The following KLHL22 variants were observed in gnomAD, a reference collection of about 807,000 sequenced individuals.
KLHL22 encodes kelch like family member 22.
Under a neutral mutation model 60.7 loss-of-function variants are expected in KLHL22, and 18 were observed. That is an observed-to-expected ratio of 0.30 (90% confidence interval 0.20 to 0.44). The LOEUF is 0.44. KLHL22 is among the 20% of genes least tolerant of loss of function. The probability of loss-of-function intolerance (pLI) is 1.00; values close to 1 mark genes in which losing one functional copy is unlikely to be tolerated. For synonymous variants in KLHL22, 355 were observed against 354.5 expected (o/e 1.00, Z -0.01); for missense variants, 596 against 852.3 (o/e 0.70, Z 3.74).
chr22:20,453,640 C>T (rs951892229), intron 5 of KLHL22, among the ~76,000 whole-genome samples: 2 of 152,086 alleles, frequency 1.3e-5, no homozygotes, highest in African/African-American at 4.8e-5. Context: ...GTTCCTTTGC[C>T]TTTATATATA....
rs1469613835 is a variant in KLHL22 at position 20,465,564 on chromosome 22, T to C, written c.406A>G (p.Ile136Val). The C allele has an allele frequency of 6.6e-6, 10 of 1,505,112 alleles. No individual in the cohort carries two copies. The highest frequency in any genetic ancestry group is 2.8e-5 in the African/African-American group (2 of 72,714). 93.2% of individuals were successfully genotyped at this position (1,505,112 alleles called of 1,614,324 possible). ...ATGAGGAAATCACAGCAGAAATGGA[T>C]AATTTCTGGGATCTGCAGAGAGAAT... ...AACQLQIPEIIHFCCDFLMSW... is the reference protein window; with the variant it reads ...AACQLQIPEIVHFCCDFLMSW... Residue 136 changes from isoleucine to valine, a missense_variant, in exon 4 of 7, where the codon ATC becomes GTC. Transcript: ENST00000328879. The surrounding 1 kb of genome is among the most constrained non-coding windows in gnomAD (Gnocchi z 4.9).
rs143379976 is a variant in KLHL22, at chr22:20,462,557, G to A, written c.1112+2301C>T. On this transcript the variant is annotated intron_variant, in intron 4 of 6. Transcript: ENST00000328879. ...TTTTTTTTGGTAGAGACGAGGTCTC[G>A]CTTTGTTGCCCAGGCTGATCTTGAA... Among the ~76,000 whole-genome samples the A allele has an allele frequency of 9.8e-4, 145 of 148,138 alleles. 1 individual carries two copies. Among genetic ancestry groups the A allele is most frequent in the African/African-American group, 3.3e-3 (132 of 39,752 alleles).
At chr22:20,488,284 T>C (rs1423738345) in intron 2 of KLHL22, among the ~76,000 whole-genome samples, 1 of 152,206 alleles carries the variant, frequency 6.6e-6, no homozygotes, top group Non-Finnish European at 1.5e-5. Context: ...CCCTCAGTCC[T>C]TCTCAGGCTC....
chr22:20,444,412 T>C (rs1324680649), intron 6 of KLHL22, among the ~76,000 whole-genome samples: 3 of 152,160 alleles, frequency 2.0e-5, no homozygotes, highest in African/African-American at 7.2e-5. Context: ...GATAGGTTAC[T>C]GAAGCAATAG....
chr22:20,467,633 G>A (rs1033197853), intron 3 of KLHL22, among the ~76,000 whole-genome samples: 1 of 152,166 alleles, frequency 6.6e-6, no homozygotes, highest in African/African-American at 2.4e-5. Flanking sequence ...ATTACACATG[G>A]AATAATTCTG....
chr22:20,454,526 G>A (rs1332698995), intron 5 of KLHL22, among the ~76,000 whole-genome samples: 1 of 152,086 alleles, frequency 6.6e-6, no homozygotes, highest in Non-Finnish European at 1.5e-5. Context: ...TCTTTGTAAA[G>A]CTATCACACT....
chr22:20,443,379 G>C (rs1012706290), intron 6 of KLHL22, among the ~76,000 whole-genome samples: 2 of 151,688 alleles, frequency 1.3e-5, no homozygotes, highest in Admixed American at 1.3e-4. Flanking sequence ...TAAGGGTGCA[G>C]ACCCTGAGAT....
chr22:20,469,249 G>A (rs1027484122), intron 3 of KLHL22, among the ~76,000 whole-genome samples: 3 of 152,194 alleles, frequency 2.0e-5, no homozygotes, highest in African/African-American at 4.8e-5. Context: ...AAGCAATACC[G>A]AGAAGGATGA....
In KLHL22 at chr22:20,465,383, A is replaced by T. The variant is rs2053218567; in HGVS notation, c.587T>A (p.Val196Asp). 6.2e-7 allele frequency: 1 copy of T among 1,614,106 alleles called. No individual in the cohort carries two copies. The highest frequency in any genetic ancestry group is 8.5e-7 in the Non-Finnish European group (1 of 1,179,986). Residue 196 changes from valine (V) to aspartate (D), a missense_variant, in exon 4 of 7, where the codon GTC (valine) becomes GAC (aspartate). Coordinates refer to ENST00000328879, the MANE Select transcript of KLHL22 (RefSeq NM_032775.4). This position sits in a 1 kb window ranked among gnomAD's most constrained non-coding sequence, Gnocchi z 4.9. ...DKYRQLPLEKVYSLLSSNRLE... is the reference protein window; with the variant it reads ...DKYRQLPLEKDYSLLSSNRLE... The stretch of plus-strand genomic sequence containing the variant: ...GCGATTGCTGCTGAGGAGGGAGTAG[A>T]CCTTCTCCAATGGAAGCTGGCGGTA...
intron 2 of KLHL22, among the ~76,000 whole-genome samples, chr22:20,479,825 A>G (rs1483933629): frequency 6.6e-6 from 1 of 152,240 alleles, no homozygotes; most frequent in African/African-American, 2.4e-5. Context: ...AAAATTGTCA[A>G]TAGAATGATC....
chr22:20,469,368 G>A (rs541029896), intron 3 of KLHL22, among the ~76,000 whole-genome samples: 4 of 152,174 alleles, frequency 2.6e-5, no homozygotes, highest in Admixed American at 2.0e-4. Context: ...CAGAGCAGGG[G>A]GACTGACAGG....
At chr22:20,474,865 T>C (rs2053384316) in intron 2 of KLHL22, among the ~76,000 whole-genome samples, 1 of 152,244 alleles carries the variant, frequency 6.6e-6, no homozygotes, top group Non-Finnish European at 1.5e-5. Flanking sequence ...ACATTTATAC[T>C]TTGATAGTAT....
rs1229522617 is a variant in KLHL22 at position 20,495,429 on chromosome 22, G to C, written c.-34+331C>G. 1.3e-5 allele frequency among the ~76,000 whole-genome samples: 2 copies of C among 151,952 alleles called. No homozygotes were observed. The highest frequency in any genetic ancestry group is 3.9e-4 in the East Asian group (2 of 5,174). Reference sequence around the variant, plus strand: ...GGTCGCGGCCAGGAAGGCCGCATTCGGACCTGCCGCAGGCAACAGGGCCCG... The same window carrying C: ...GGTCGCGGCCAGGAAGGCCGCATTCCGACCTGCCGCAGGCAACAGGGCCCG... On this transcript the variant is annotated intron_variant, in intron 1 of 6. Transcript: ENST00000328879. This position sits in a 1 kb window ranked among gnomAD's most constrained non-coding sequence, Gnocchi z 4.6.
Position 20,457,990 on chromosome 22 carries a change from G to A in KLHL22, c.1123C>T (p.Arg375Trp), listed in dbSNP as rs2053090878. 3 of 1,614,034 alleles carry A rather than the reference G, an allele frequency of 1.9e-6. No homozygotes were observed. Among genetic ancestry groups the A allele is most frequent in the Non-Finnish European group, 1.7e-6 (2 of 1,179,972 alleles). ...TGGATCTGGAACCAGCGGTTGTGCC[G>A]TGGGTCATACCTGTGCCGAGACATG... Reference protein sequence around the residue: ...AESRCWRYDPRHNRWFQIQSL... With the variant: ...AESRCWRYDPWHNRWFQIQSL... Residue 375 changes from arginine (R) to tryptophan (W), a missense_variant, in exon 5 of 7, where the codon CGG becomes TGG. Physicochemically the swap from Arg to Trp is moderately radical, Grantham distance 101 (BLOSUM62 -3). Transcript: ENST00000328879.
At chr22:20,446,401 T>C (rs1208573212) in intron 6 of KLHL22, 42 bp downstream of exon 6, 2 of 1,089,762 alleles carry the variant, frequency 1.8e-6, no homozygotes, top group African/African-American at 1.5e-5. Flanking sequence ...CTGAGAGGCT[T>C]GGGAATGATG....
In KLHL22 at chr22:20,451,505, G is replaced by T. The variant is rs182558975; in HGVS notation, c.1306-4829C>A. On this transcript the variant is annotated intron_variant, in intron 5 of 6. Transcript: ENST00000328879. The stretch of plus-strand genomic sequence containing the variant: ...AATGTTACACCAATGGCCACCAAGC[G>T]TTCTGGTGCAGGAGTAGCCCTGCTG... 179 of 1,598,086 alleles carry T rather than the reference G, an allele frequency of 1.1e-4. No individual in the cohort carries two copies. In the East Asian group the frequency reaches 3.7e-3, roughly 33 times the overall value.
intron 5 of KLHL22, among the ~76,000 whole-genome samples, chr22:20,452,908 T>C (rs911602178): frequency 1.3e-5 from 2 of 152,244 alleles, no homozygotes; most frequent in Non-Finnish European, 2.9e-5. Flanking sequence ...GATTGGTACA[T>C]TTAGTCTTTT....
At position 20,465,618 on chromosome 22, in the gene KLHL22, C is replaced by G. The variant is rs780055097; in HGVS notation, c.394-42G>C. The G allele has an allele frequency of 1.0e-6, 1 of 978,972 alleles. No homozygotes were observed. The highest frequency in any genetic ancestry group is 1.3e-5 in the South Asian group (1 of 78,504). The allele number at this position is 978,972 out of a possible 1,614,324, so 60.6% of individuals were successfully genotyped here. On this transcript the variant is annotated intron_variant, in intron 3 of 6. Coordinates refer to ENST00000328879, the MANE Select transcript of KLHL22 (RefSeq NM_032775.4). The surrounding 1 kb of genome is among the most constrained non-coding windows in gnomAD (Gnocchi z 4.9). The stretch of plus-strand genomic sequence containing the variant: ...ACCCATTCAAGCCTGGGCTGGTGAA[C>G]AGCATCTGGGGGTGGGAGAGAGAAT...
chr22:20,475,625 G>A (rs1029965381), intron 2 of KLHL22, among the ~76,000 whole-genome samples: 89 of 151,278 alleles, frequency 5.9e-4, no homozygotes, highest in African/African-American at 2.0e-3. Context: ...GCAGCAGCGC[G>A]ATCTCGGCTC....
Sources: allele counts gnomAD v4.1 joint callset (sites outside exome capture counted in the v4.1 genomes callset), GRCh38; gene constraint gnomAD v4.1.1; non-coding constraint Gnocchi (gnomAD v3.1); transcripts MANE v1.5; gene names NCBI Gene and HGNC (gene_info 2026-07-23, HGNC 2026-07-21).